The following ACTN2 variants were observed in gnomAD, a reference collection of about 807,000 sequenced individuals.
ACTN2 encodes the protein alpha-actinin-2.
In ACTN2, 39 loss-of-function variants were observed where a neutral mutation model predicts 113.8. The observed-to-expected ratio is 0.34, with a 90% confidence interval of 0.27 to 0.45. ACTN2 has a LOEUF of 0.45. Among genes scored for constraint, ACTN2 ranks in the 20% least tolerant of loss-of-function variants. ACTN2 has a pLI of 1.00. For synonymous variants in ACTN2, 429 were observed against 444.1 expected (o/e 0.97, Z 0.43); for missense variants, 992 against 1,177.9 (o/e 0.84, Z 2.31).
At chr1:236,708,404 A>G (rs1657897978) in intron 1 of ACTN2, among the ~76,000 whole-genome samples, 1 of 152,204 alleles carries the variant, frequency 6.6e-6, no homozygotes, top group African/African-American at 2.4e-5. Context: ...GGTGTATCTG[A>G]GTACTTGGCA....
chr1:236,740,063 T>A (rs1212719655), intron 10 of ACTN2, among the ~76,000 whole-genome samples: 2 of 151,698 alleles, frequency 1.3e-5, no homozygotes, highest in Non-Finnish European at 2.9e-5. Flanking sequence ...CAGCAAAACA[T>A]CTAGAAGGAG....
Position 236,686,728 on chromosome 1 carries a change from T to A in ACTN2, c.55T>A (p.Tyr19Asn). 1 of 1,561,480 alleles carries A rather than the reference T, an allele frequency of 6.4e-7. No homozygotes were observed. The highest frequency in any genetic ancestry group is 8.7e-7 in the Non-Finnish European group (1 of 1,153,968). The change falls in exon 1 of 21, where the codon TAC becomes AAC. Residue 19 changes from tyrosine (Y) to asparagine (N), a missense_variant. Coordinates refer to ENST00000366578, the MANE Select transcript of ACTN2 (RefSeq NM_001103.4). ...CAACTACGTGTACGACGAGGATGAGTACATGATCCAGGAGGAGGAGTGGGA... is the reference window on the plus strand; with the variant it reads ...CAACTACGTGTACGACGAGGATGAGAACATGATCCAGGAGGAGGAGTGGGA... ...QYNYVYDEDE[Y>N]MIQEEEWDRD...
intron 12 of ACTN2, among the ~76,000 whole-genome samples, chr1:236,745,990 C>T (rs1056627077): frequency 5.3e-5 from 8 of 151,630 alleles, no homozygotes; most frequent in Non-Finnish European, 7.4e-5. Context: ...GGTGAAACCC[C>T]GTATCTACTA....
At chr1:236,732,666 C>T (rs954282889) in intron 7 of ACTN2, among the ~76,000 whole-genome samples, 1 of 152,064 alleles carries the variant, frequency 6.6e-6, no homozygotes, top group Admixed American at 6.6e-5. Flanking sequence ...TGGTCTCAAA[C>T]TCCTGACCTC....
rs557101693 is a variant in ACTN2, at chr1:236,715,027, C to T, written c.127-2831C>T. Reference sequence around the variant, plus strand: ...TGTGTGTTTATGTATACACAGATACCACTGAAGGGATATGCAAGAGACTGA... The same window carrying T: ...TGTGTGTTTATGTATACACAGATACTACTGAAGGGATATGCAAGAGACTGA... On this transcript the variant is annotated intron_variant, in intron 1 of 20. Coordinates refer to ENST00000366578, the MANE Select transcript of ACTN2 (RefSeq NM_001103.4). 5.2e-3 allele frequency among the ~76,000 whole-genome samples: 789 copies of T among 151,272 alleles called. 16 individuals carry two copies. The highest frequency in any genetic ancestry group is 0.018 in the African/African-American group (757 of 40,966).
At chr1:236,706,242 G>A (rs1054144185) in intron 1 of ACTN2, among the ~76,000 whole-genome samples, 6 of 151,610 alleles carry the variant, frequency 4.0e-5, no homozygotes, top group African/African-American at 4.9e-5. Flanking sequence ...AGCTTCTCAG[G>A]TTTCTTTTTA....
At chr1:236,709,168 C>T (rs1161011598) in intron 1 of ACTN2, among the ~76,000 whole-genome samples, 2 of 143,106 alleles carry the variant, frequency 1.4e-5, no homozygotes, top group South Asian at 2.2e-4. Context: ...TCTTTCTTCT[C>T]CTCTCAATAA....
Position 236,754,366 on chromosome 1 carries a change from C to T in ACTN2, c.1974+285C>T, listed in dbSNP as rs546655008. Among the ~76,000 whole-genome samples the T allele has an allele frequency of 9.1e-4, 139 of 152,252 alleles. No individual in the cohort carries two copies. Among genetic ancestry groups the T allele is most frequent in the African/African-American group, 3.1e-3 (129 of 41,544 alleles). On this transcript the variant is annotated intron_variant, in intron 16 of 20. Coordinates refer to ENST00000366578, the MANE Select transcript of ACTN2 (RefSeq NM_001103.4). This position sits in a 1 kb window ranked among gnomAD's most constrained non-coding sequence, Gnocchi z 4.9. ...CTAAAAATGGTGACAGGGCTTTCTC[C>T]GTTTTTGGCCTCTGCAGGGCCTGGA...
Position 236,761,139 on chromosome 1 carries a change from T to A in ACTN2, c.2492T>A (p.Val831Asp). The change falls in exon 20 of 21, where the codon GTC (valine) becomes GAC (aspartate). Residue 831 changes from valine (V) to aspartate (D), a missense_variant. By Grantham distance (152) the Val-to-Asp change is radical. Coordinates refer to ENST00000366578, the MANE Select transcript of ACTN2 (RefSeq NM_001103.4). ...GCTGACACCGACACTGCCGAGCAGGTCATCGCCTCCTTCCGGATCCTGGCT... is the reference window on the plus strand; with the variant it reads ...GCTGACACCGACACTGCCGAGCAGGACATCGCCTCCTTCCGGATCCTGGCT... ...ETADTDTAEQ[V>D]IASFRILASD... The A allele has an allele frequency of 6.2e-7, 1 of 1,614,078 alleles. No individual in the cohort carries two copies. The highest frequency in any genetic ancestry group is 8.5e-7 in the Non-Finnish European group (1 of 1,180,002).
At chr1:236,715,608 T>G (rs1474161398) in intron 1 of ACTN2, among the ~76,000 whole-genome samples, 2 of 152,124 alleles carry the variant, frequency 1.3e-5, no homozygotes, top group Non-Finnish European at 2.9e-5. Flanking sequence ...AGTCTAAGTT[T>G]AAGTGGCTAC....
intron 1 of ACTN2, among the ~76,000 whole-genome samples, chr1:236,708,270 A>G (rs1657894906): frequency 6.6e-6 from 1 of 152,212 alleles, no homozygotes; most frequent in South Asian, 2.1e-4. Flanking sequence ...TTAAGGCCTC[A>G]AATGGACTTC....
intron 4 of ACTN2, 102 bp downstream of exon 4, chr1:236,720,293 T>C (rs1237836870): frequency 4.2e-6 from 4 of 943,704 alleles, no homozygotes; most frequent in Non-Finnish European, 6.9e-6. Flanking sequence ...ACTTACATGA[T>C]TGAATGAGAG....
At chr1:236,686,840 G>A in intron 1 of ACTN2, 41 bp downstream of exon 1, 15 of 1,386,250 alleles carry the variant, frequency 1.1e-5, no homozygotes, top group South Asian at 5.2e-5. Flanking sequence ...TGGTGGGGCC[G>A]GGTCCCCCGC....
intron 4 of ACTN2, among the ~76,000 whole-genome samples, chr1:236,721,968 A>G (rs1658409762): frequency 2.0e-5 from 3 of 152,168 alleles, no homozygotes; most frequent in African/African-American, 7.2e-5. Flanking sequence ...CAAGATAGCT[A>G]AATCACAATA....
intron 8 of ACTN2, 30 bp from the exon 9 acceptor site, chr1:236,737,092 G>A: frequency 1.3e-6 from 2 of 1,576,350 alleles, no homozygotes; most frequent in Non-Finnish European, 1.7e-6. Context: ...CGTCGACAGA[G>A]CCGTCCTGTT....
chr1:236,744,907 T>C, intron 12 of ACTN2, 131 bp downstream of exon 12: 1 of 1,184,170 alleles, frequency 8.4e-7, no homozygotes, highest in South Asian at 1.5e-5. Context: ...GCAGGGATTC[T>C]CCTTGTTTCT....
At chr1:236,747,609 G>A (rs1489072353) in intron 12 of ACTN2, 58 bp from the exon 13 acceptor site, 13 of 1,477,076 alleles carry the variant, frequency 8.8e-6, no homozygotes, top group East Asian at 6.9e-5. Context: ...TTTAGCCCAT[G>A]TTCATTTTCT....
rs1390124216 is a variant in ACTN2, at chr1:236,747,181, TAAG to T, written c.1407-481_1407-479del. On this transcript the variant is annotated intron_variant, in intron 12 of 20. Coordinates refer to ENST00000366578, the MANE Select transcript of ACTN2 (RefSeq NM_001103.4). ...GGGAAATAAATTGAGCCTGCGGCATTAAGAAGACAACGGTTCTCTCTGTTTAGA... is the reference window on the plus strand; with the variant it reads ...GGGAAATAAATTGAGCCTGCGGCATTAAGACAACGGTTCTCTCTGTTTAGA... 7.9e-5 allele frequency among the ~76,000 whole-genome samples: 12 copies of T among 152,350 alleles called. No homozygotes were observed. The East Asian group carries it at 2.1e-3, about 27-fold the overall frequency.
chr1:236,737,297 G>GTATATATATATATATAAATATATATA, intron 9 of ACTN2, 83 bp downstream of exon 9: 1 of 318,558 alleles, frequency 3.1e-6, no homozygotes. Flanking sequence ...CTCCGTGGGG[G>GTATATATATATATATAAATATATATA]CATATATATA....
Sources: gnomAD v4.1 joint callset for allele counts (sites outside exome capture counted in the v4.1 genomes callset) on GRCh38, gnomAD v4.1.1 for gene constraint, Gnocchi (gnomAD v3.1) non-coding constraint, MANE v1.5 for transcripts, NCBI Gene and HGNC (gene_info 2026-07-23, HGNC 2026-07-21) for gene names.